WDR7: variants seen among roughly 807,000 people sequenced by gnomAD.
WDR7 encodes the protein WD repeat domain 7.
In WDR7, 46 loss-of-function variants were observed where a neutral mutation model predicts 169.4. The ratio of observed to expected loss-of-function variants is 0.27; its 90% CI spans 0.21 to 0.35. The LOEUF is 0.35. Ranked by LOEUF, WDR7 falls within the 10% of genes least tolerant of loss-of-function variation. The pLI, the probability that WDR7 is intolerant of heterozygous loss-of-function variation, is 1.00. For missense variants in WDR7, 1,534 were observed against 1,859.3 expected, an observed-to-expected ratio of 0.83 and a Z score of 3.22; for synonymous variants, 612 against 666.8, an observed-to-expected ratio of 0.92 and a Z score of 1.27.
intron 16 of WDR7, among the ~76,000 whole-genome samples, chr18:56,774,178 A>G (rs955019017): frequency 2.6e-5 from 4 of 152,136 alleles, no homozygotes; most frequent in African/African-American, 4.8e-5. Context: ...TCCTATAAAT[A>G]TTTTAATATC....
At chr18:56,710,006 GT>G (rs71169391) in intron 12 of WDR7, among the ~76,000 whole-genome samples, 4 of 142,344 alleles carry the variant, frequency 2.8e-5, no homozygotes, top group African/African-American at 1.0e-4. Flanking sequence ...ATATATAGTT[GT>G]TTTTTTTTTT....
intron 26 of WDR7, chr18:57,009,836 AG>A (rs2048113454): frequency 1.0e-6 from 1 of 985,114 alleles, no homozygotes; most frequent in African/African-American, 1.7e-5. Context: ...TTGTGTCACC[AG>A]GCACTATACC....
At chr18:56,754,880 A>G (rs1225640724) in intron 14 of WDR7, among the ~76,000 whole-genome samples, 1 of 152,086 alleles carries the variant, frequency 6.6e-6, no homozygotes, top group Non-Finnish European at 1.5e-5. Flanking sequence ...TTGCCAAATT[A>G]CTCTTTTAAA....
At chr18:56,831,716 C>T (rs1163949740) in intron 20 of WDR7, among the ~76,000 whole-genome samples, 1 of 152,020 alleles carries the variant, frequency 6.6e-6, no homozygotes, top group African/African-American at 2.4e-5. Context: ...CGTCGTCTCA[C>T]CCAGGAAACA....
Position 56,695,134 on chromosome 18 carries a change from T to G in WDR7, c.1293T>G (p.Val431=). The change falls in exon 11 of 28, where the codon GTT becomes GTG. Residue 431 remains valine, a synonymous_variant. Coordinates refer to ENST00000254442, the MANE Select transcript of WDR7 (RefSeq NM_015285.3). ...LVCGREDGSI[V]IVPATQTAIV... ...GTGGTCGTGAAGATGGAAGCATAGT[T>G]ATTGTACCTGCCACACAGACGGCCA... is the stretch of plus-strand genomic sequence containing the variant. 9 of 1,614,112 alleles carry G rather than the reference T, an allele frequency of 5.6e-6. No homozygotes were observed. The highest frequency in any genetic ancestry group is 7.6e-6 in the Non-Finnish European group (9 of 1,180,000).
chr18:56,661,337 T>G (rs1318287882), intron 1 of WDR7, among the ~76,000 whole-genome samples: 2 of 152,154 alleles, frequency 1.3e-5, no homozygotes, highest in Non-Finnish European at 2.9e-5. Flanking sequence ...TGCTGTAGGT[T>G]GGTGATGGAT....
At chr18:56,811,987 A>G (rs1276155904) in intron 19 of WDR7, among the ~76,000 whole-genome samples, 1 of 152,206 alleles carries the variant, frequency 6.6e-6, no homozygotes, top group Non-Finnish European at 1.5e-5. Context: ...TTTTGTTGAT[A>G]TCTACAAAAA....
intron 3 of WDR7, 48 bp downstream of exon 3, chr18:56,679,486 A>G (rs2025312491): frequency 3.5e-6 from 5 of 1,411,004 alleles, no homozygotes; most frequent in African/African-American, 2.9e-5. Context: ...CTTTATAACT[A>G]GCACCAATGC....
chr18:56,906,396 A>C (rs966889782), intron 21 of WDR7, among the ~76,000 whole-genome samples: 1 of 152,166 alleles, frequency 6.6e-6, no homozygotes, highest in Non-Finnish European at 1.5e-5. Flanking sequence ...AAAGGCATGA[A>C]AGAGACAAGA....
intron 12 of WDR7, among the ~76,000 whole-genome samples, chr18:56,699,034 AAAT>A (rs973976313): frequency 3.9e-5 from 6 of 152,224 alleles, no homozygotes. Flanking sequence ...AATGAAAGTT[AAAT>A]TTTAAAAAAT....
intron 21 of WDR7, among the ~76,000 whole-genome samples, chr18:56,882,630 T>C (rs899684026): frequency 6.6e-6 from 1 of 152,232 alleles, no homozygotes; most frequent in African/African-American, 2.4e-5. Flanking sequence ...TGGAAATTTC[T>C]ACCCTCACAG....
intron 2 of WDR7, among the ~76,000 whole-genome samples, chr18:56,674,372 TACCTGATGGCTA>T (rs1366180300): frequency 6.6e-6 from 1 of 152,214 alleles, no homozygotes; most frequent in Non-Finnish European, 1.5e-5. Flanking sequence ...GGTTTGAATT[TACCTGATGGCTA>T]ATGATGTTGA....
At chr18:56,979,927 G>A (rs1227717947) in intron 26 of WDR7, among the ~76,000 whole-genome samples, 1 of 152,158 alleles carries the variant, frequency 6.6e-6, no homozygotes, top group African/African-American at 2.4e-5. Flanking sequence ...TATCCTTCAT[G>A]ATATACTAAA....
chr18:56,951,380 G>A (rs1469716474), intron 25 of WDR7, among the ~76,000 whole-genome samples: 4 of 152,050 alleles, frequency 2.6e-5, no homozygotes, highest in Admixed American at 6.6e-5. Context: ...GCACACTCCC[G>A]TACCTCTTCC....
intron 19 of WDR7, among the ~76,000 whole-genome samples, chr18:56,806,232 C>T (rs2044770959): frequency 6.6e-6 from 1 of 151,950 alleles, no homozygotes; most frequent in Non-Finnish European, 1.5e-5. Flanking sequence ...ATTTTCTTTG[C>T]CTAGAATAAC....
chr18:56,699,306 G>C (rs186931623), intron 12 of WDR7, among the ~76,000 whole-genome samples: 1 of 152,344 alleles, frequency 6.6e-6, no homozygotes. Flanking sequence ...GCTGAGATTA[G>C]AGTTTGCTAC....
intron 26 of WDR7, among the ~76,000 whole-genome samples, chr18:56,965,854 T>G (rs2047401751): frequency 6.6e-6 from 1 of 152,142 alleles, no homozygotes; most frequent in African/African-American, 2.4e-5. Context: ...TGTGTGGGGT[T>G]GAACTCCATC....
intron 19 of WDR7, among the ~76,000 whole-genome samples, chr18:56,793,988 A>T (rs551439441): frequency 6.6e-6 from 1 of 152,158 alleles, no homozygotes; most frequent in Admixed American, 6.5e-5. Context: ...GAGTTGCTGC[A>T]TAGAGTTATT....
Position 56,681,410 on chromosome 18 carries a change from G to A in WDR7, c.345+19G>A. 1 of 1,472,858 alleles carries A rather than the reference G, an allele frequency of 6.8e-7. No homozygotes were observed. The highest frequency in any genetic ancestry group is 9.2e-7 in the Non-Finnish European group (1 of 1,087,632). The allele number at this position is 1,472,858 out of a possible 1,614,324, so 91.2% of individuals were successfully genotyped here. On this transcript the variant is annotated intron_variant, in intron 4 of 27. Transcript: ENST00000254442. ...CATACAGGTTAGTTTCTATTTCTGT[G>A]ACTCTAAGTACAAACTATTATAAGT...
Sources: allele counts gnomAD v4.1 joint callset (sites outside exome capture counted in the v4.1 genomes callset), GRCh38; gene constraint gnomAD v4.1.1; transcripts MANE v1.5; gene names NCBI Gene and HGNC (gene_info 2026-07-23, HGNC 2026-07-21).